MARCHF1: variants seen among roughly 807,000 people sequenced by gnomAD.
MARCHF1 encodes the protein membrane associated ring-CH-type finger 1.
A neutral mutation model predicts 54.2 loss-of-function variants in MARCHF1; 40 were observed. The ratio of observed to expected loss-of-function variants is 0.74; its 90% confidence interval spans 0.57 to 0.96. The LOEUF (loss-of-function observed/expected upper bound fraction) is 0.96, where lower values mean the gene tolerates loss of function less well. MARCHF1 is among the 40% of genes least tolerant of loss of function. The probability of loss-of-function intolerance (pLI) is 0.00; values close to 1 mark genes in which losing one functional copy is unlikely to be tolerated. For synonymous variants in MARCHF1, 236 were observed against 236.3 expected, an observed-to-expected ratio of 1.00 and a Z score of 0.01; for missense variants, 586 against 656.5, an observed-to-expected ratio of 0.89 and a Z score of 1.17.
At chr4:163,611,731 C>T (rs1741348274) in intron 7 of MARCHF1, among the ~76,000 whole-genome samples, 1 of 152,104 alleles carries the variant, frequency 6.6e-6, no homozygotes, top group Admixed American at 6.6e-5. Context: ...CCCTTCCCTA[C>T]AGGCTCTTGC....
At chr4:164,182,544 T>C (rs1187476227) in intron 1 of MARCHF1, among the ~76,000 whole-genome samples, 1 of 151,950 alleles carries the variant, frequency 6.6e-6, no homozygotes, top group Admixed American at 6.6e-5. Flanking sequence ...TCCTTCCTTC[T>C]ATACATGTAT....
intron 1 of MARCHF1, among the ~76,000 whole-genome samples, chr4:164,149,820 G>A (rs1729883540): frequency 6.6e-6 from 1 of 152,130 alleles, no homozygotes; most frequent in Non-Finnish European, 1.5e-5. Flanking sequence ...ACTTGTGAAT[G>A]TCTGGATATT....
chr4:164,011,049 C>A (rs1312047813), intron 2 of MARCHF1, among the ~76,000 whole-genome samples: 1 of 152,004 alleles, frequency 6.6e-6, no homozygotes, highest in Non-Finnish European at 1.5e-5. Flanking sequence ...TAATAAAAAC[C>A]TGGATAATGA....
intron 3 of MARCHF1, among the ~76,000 whole-genome samples, chr4:163,986,120 C>A (rs971434816): frequency 6.6e-6 from 1 of 151,696 alleles, no homozygotes; most frequent in Non-Finnish European, 1.5e-5. Flanking sequence ...TTAACTACAT[C>A]CTATAGAAAA....
At chr4:164,234,910 T>C (rs571703793) in intron 1 of MARCHF1, 24 of 152,276 alleles carry the variant, frequency 1.6e-4, no homozygotes, top group African/African-American at 5.1e-4. Flanking sequence ...ATAGTCTTTG[T>C]TGAGGCCTGA....
chr4:163,819,560 C>CA (rs770275928), intron 4 of MARCHF1, among the ~76,000 whole-genome samples: 3 of 152,086 alleles, frequency 2.0e-5, no homozygotes, highest in Non-Finnish European at 4.4e-5. Context: ...TCACCACAAC[C>CA]ATGTGAAAAC....
intron 4 of MARCHF1, among the ~76,000 whole-genome samples, chr4:163,729,397 A>G (rs762179003): frequency 8.3e-6 from 1 of 120,792 alleles, no homozygotes; most frequent in Non-Finnish European, 1.8e-5. Flanking sequence ...AGTTCACTCA[A>G]CTGCTTCTGG....
intron 3 of MARCHF1, among the ~76,000 whole-genome samples, chr4:163,983,197 C>A (rs1256509970): frequency 2.0e-5 from 3 of 152,076 alleles, no homozygotes; most frequent in African/African-American, 7.2e-5. Flanking sequence ...GCCACATGAT[C>A]ATTTTCAAGG....
At chr4:163,611,855 T>C (rs1741353233) in intron 7 of MARCHF1, among the ~76,000 whole-genome samples, 1 of 152,122 alleles carries the variant, frequency 6.6e-6, no homozygotes, top group African/African-American at 2.4e-5. Flanking sequence ...TGTTATTTTC[T>C]GATACAAAAA....
intron 5 of MARCHF1, among the ~76,000 whole-genome samples, chr4:163,632,548 A>G (rs1250825261): frequency 6.6e-6 from 1 of 152,216 alleles, no homozygotes; most frequent in African/African-American, 2.4e-5. Flanking sequence ...CGGGCTTAAA[A>G]AACGGCGCAC....
chr4:164,256,121 CAAAAATAAAAAAT>C (rs1733272969), intron 1 of MARCHF1, among the ~76,000 whole-genome samples: 1 of 149,538 alleles, frequency 6.7e-6, no homozygotes, highest in South Asian at 2.1e-4. Context: ...TGGTACCCTA[CAAAAATAAAAAAT>C]AAAAATAAAA....
At chr4:163,825,560 G>A (rs1305559012) in intron 4 of MARCHF1, among the ~76,000 whole-genome samples, 1 of 151,970 alleles carries the variant, frequency 6.6e-6, no homozygotes, top group Non-Finnish European at 1.5e-5. Context: ...ATTCCCACCA[G>A]CAGTGTATAA....
chr4:164,242,350 A>G (rs1326085595), intron 1 of MARCHF1, among the ~76,000 whole-genome samples: 1 of 101,664 alleles, frequency 9.8e-6, no homozygotes, highest in Non-Finnish European at 2.1e-5. Flanking sequence ...ACTGGGAGGC[A>G]ACCCCCAGCA....
chr4:164,013,050 A>C (rs1753457021), intron 2 of MARCHF1, among the ~76,000 whole-genome samples: 1 of 152,210 alleles, frequency 6.6e-6, no homozygotes, highest in African/African-American at 2.4e-5. Flanking sequence ...ACACAAAAGA[A>C]GGCACTAGCA....
chr4:163,559,465 A>C (rs954774970), intron 8 of MARCHF1, among the ~76,000 whole-genome samples: 1 of 152,090 alleles, frequency 6.6e-6, no homozygotes, highest in Middle Eastern at 3.2e-3. Flanking sequence ...AGAAGAAAAA[A>C]CCACATCCAT....
At chr4:164,056,191 C>T (rs1029357973) in intron 2 of MARCHF1, among the ~76,000 whole-genome samples, 1 of 152,150 alleles carries the variant, frequency 6.6e-6, no homozygotes, top group African/African-American at 2.4e-5. Context: ...CCAGCACCTA[C>T]ATCTATTTGT....
At chr4:163,539,533 G>A (rs79757618) in intron 9 of MARCHF1, among the ~76,000 whole-genome samples, 2,388 of 152,276 alleles carry the variant, frequency 0.016, 75 homozygotes, top group African/African-American at 0.055. Flanking sequence ...GGTTAAGAGC[G>A]GGGCTTTCAC....
At chr4:163,661,220 C>T (rs890937780) in intron 5 of MARCHF1, among the ~76,000 whole-genome samples, 11 of 152,080 alleles carry the variant, frequency 7.2e-5, no homozygotes, top group African/African-American at 2.6e-4. Flanking sequence ...TACTAGCTGT[C>T]TTTTTGCTTT....
chr4:163,664,081 A>G (rs1743442894), intron 5 of MARCHF1, among the ~76,000 whole-genome samples: 1 of 152,114 alleles, frequency 6.6e-6, no homozygotes, highest in Admixed American at 6.6e-5. Flanking sequence ...TTCATAGGCA[A>G]TGGAATCTAA....
Sources: allele counts gnomAD v4.1 joint callset (sites outside exome capture counted in the v4.1 genomes callset), GRCh38; gene constraint gnomAD v4.1.1; transcripts MANE v1.5; gene names NCBI Gene and HGNC (gene_info 2026-07-23, HGNC 2026-07-21).